N4BP1: variants seen among roughly 807,000 people sequenced by gnomAD.
N4BP1 encodes the protein NEDD4-binding protein 1.
N4BP1 carries 21 observed loss-of-function variants against 70.9 expected under a neutral mutation model. The observed-to-expected ratio is 0.30, with a 90% CI of 0.21 to 0.43. The LOEUF is 0.43. Among genes scored for constraint, N4BP1 ranks in the 20% least tolerant of loss-of-function variants. The pLI, the probability that N4BP1 is intolerant of heterozygous loss-of-function variation, is 1.00. For missense variants in N4BP1, 936 were observed against 1,069.4 expected (o/e 0.88, Z 1.74); for synonymous variants, 387 against 394.6 (o/e 0.98, Z 0.23).
At position 48,542,740 on chromosome 16, in the gene N4BP1, G is replaced by A. The variant is rs937532753; in HGVS notation, c.*164C>T. 10 of 545,556 alleles carry A rather than the reference G, an allele frequency of 1.8e-5. No homozygotes were observed. Among genetic ancestry groups the A allele is most frequent in the African/African-American group, 1.3e-4 (7 of 52,346 alleles). 33.8% of individuals were successfully genotyped at this position (545,556 alleles called of 1,614,324 possible). A position where few individuals can be genotyped will look rare whatever the true frequency, so the allele number is the denominator to read the frequency against. Reference sequence around the variant, plus strand: ...ATAATTTATATATAGAAAAAAGCTGGTTTTGAAAACCCAGATTTATACCCA... The same window carrying A: ...ATAATTTATATATAGAAAAAAGCTGATTTTGAAAACCCAGATTTATACCCA... On this transcript the variant is annotated 3_prime_UTR_variant, in exon 7 of 7. Transcript: ENST00000262384.
At chr16:48,575,962 CAA>C (rs1469347933) in intron 1 of N4BP1, among the ~76,000 whole-genome samples, 1 of 151,866 alleles carries the variant, frequency 6.6e-6, no homozygotes, top group Non-Finnish European at 1.5e-5. Flanking sequence ...CAAGGAAACT[CAA>C]AATATTAAGG....
chr16:48,576,547 C>A (rs1400987212), intron 1 of N4BP1, among the ~76,000 whole-genome samples: 2 of 152,138 alleles, frequency 1.3e-5, no homozygotes, highest in African/African-American at 4.8e-5. Context: ...CTGATTTTTT[C>A]TTCACTCTTA....
chr16:48,597,288 C>A (rs547486318), intron 1 of N4BP1, among the ~76,000 whole-genome samples: 1 of 152,116 alleles, frequency 6.6e-6, no homozygotes, highest in Admixed American at 6.5e-5. Context: ...GTATCAACTT[C>A]CTGAAAAACC....
intron 1 of N4BP1, among the ~76,000 whole-genome samples, chr16:48,597,069 A>C (rs1385693681): frequency 6.6e-6 from 1 of 151,898 alleles, no homozygotes. Context: ...ACCAATCAGC[A>C]CTCCCCACTT....
intron 2 of N4BP1, among the ~76,000 whole-genome samples, chr16:48,557,473 C>T (rs1963772850): frequency 6.6e-6 from 1 of 152,172 alleles, no homozygotes; most frequent in African/African-American, 2.4e-5. Context: ...ACTTTTGACT[C>T]ACAATTGGTG....
chr16:48,543,536 C>A (rs1963541466), intron 6 of N4BP1, among the ~76,000 whole-genome samples: 1 of 152,126 alleles, frequency 6.6e-6, no homozygotes, highest in South Asian at 2.1e-4. Context: ...GAGGACTGAC[C>A]CCATCCAGCT....
At chr16:48,607,812 A>G (rs1430662652) in intron 1 of N4BP1, among the ~76,000 whole-genome samples, 1 of 152,248 alleles carries the variant, frequency 6.6e-6, no homozygotes, top group African/African-American at 2.4e-5. Flanking sequence ...AAAAAAGTTA[A>G]GCCCAGGAAA....
Position 48,550,296 on chromosome 16 carries a change from T to C in N4BP1, c.2117+1090A>G, listed in dbSNP as rs149000674. 6.8e-3 allele frequency among the ~76,000 whole-genome samples: 1,032 copies of C among 152,132 alleles called. 8 individuals are homozygous for C. Among genetic ancestry groups the C allele is most frequent in the Non-Finnish European group, 9.3e-3 (631 of 67,984 alleles). On this transcript the variant is annotated intron_variant, in intron 4 of 6. Coordinates refer to ENST00000262384, the MANE Select transcript of N4BP1 (RefSeq NM_153029.4). ...GGGAGGCCGAGACGGGTGGATCATC[T>C]GAGGTCAGGAGTTTGAGACCAGCCT...
intron 1 of N4BP1, among the ~76,000 whole-genome samples, chr16:48,569,325 A>G (rs1350970284): frequency 6.6e-6 from 1 of 152,238 alleles, no homozygotes; most frequent in East Asian, 1.9e-4. Context: ...TCAGGCTGCA[A>G]GCTGCAACCT....
At chr16:48,565,638 C>T (rs1963931335) in intron 1 of N4BP1, among the ~76,000 whole-genome samples, 1 of 152,146 alleles carries the variant, frequency 6.6e-6, no homozygotes, top group South Asian at 2.1e-4. Flanking sequence ...GTAATACAGG[C>T]TATACATGAG....
chr16:48,598,787 T>C (rs1043417961), intron 1 of N4BP1, among the ~76,000 whole-genome samples: 1 of 152,104 alleles, frequency 6.6e-6, no homozygotes, highest in African/African-American at 2.4e-5. Context: ...TAAAACCTTC[T>C]GGGGTGGTGA....
At chr16:48,547,484 A>G (rs1963606020) in intron 5 of N4BP1, among the ~76,000 whole-genome samples, 2 of 152,260 alleles carry the variant, frequency 1.3e-5, no homozygotes, top group African/African-American at 4.8e-5. Context: ...ATGATATCTA[A>G]AGATGTTTTC....
intron 1 of N4BP1, among the ~76,000 whole-genome samples, chr16:48,605,584 CT>C (rs1964567510): frequency 6.6e-6 from 1 of 152,190 alleles, no homozygotes. Context: ...ACAATGCCCT[CT>C]TATAAGGACT....
At chr16:48,593,951 G>A (rs1384315629) in intron 1 of N4BP1, among the ~76,000 whole-genome samples, 3 of 132,564 alleles carry the variant, frequency 2.3e-5, no homozygotes, top group Admixed American at 1.7e-4. Context: ...GCAGTGAGCC[G>A]AGATCATGCC....
intron 1 of N4BP1, among the ~76,000 whole-genome samples, chr16:48,604,504 T>C (rs1964547782): frequency 6.7e-6 from 1 of 150,234 alleles, no homozygotes; most frequent in East Asian, 2.0e-4. Flanking sequence ...GCTGAGATCA[T>C]ACCACTGCAC....
chr16:48,582,744 A>G (rs1242164847), intron 1 of N4BP1, among the ~76,000 whole-genome samples: 5 of 152,196 alleles, frequency 3.3e-5, no homozygotes, highest in African/African-American at 4.8e-5. Context: ...GGTTTTAGGT[A>G]TCTACTGGGG....
At chr16:48,558,928 T>C (rs1963801132) in intron 2 of N4BP1, among the ~76,000 whole-genome samples, 1 of 152,178 alleles carries the variant, frequency 6.6e-6, no homozygotes, top group South Asian at 2.1e-4. Context: ...CTTTAACATC[T>C]GAAATGATGA....
At chr16:48,608,013 C>T (rs573402667) in intron 1 of N4BP1, among the ~76,000 whole-genome samples, 4 of 152,332 alleles carry the variant, frequency 2.6e-5, no homozygotes, top group South Asian at 4.1e-4. Flanking sequence ...AGGCGCGTAC[C>T]ACCACGCCGG....
intron 1 of N4BP1, chr16:48,600,434 A>G (rs553598750): frequency 3.1e-6 from 2 of 649,244 alleles, no homozygotes; most frequent in Non-Finnish European, 5.8e-6. Flanking sequence ...AAACTACTGA[A>G]GCAATGAAGA....
Sources: allele counts gnomAD v4.1 joint callset (sites outside exome capture counted in the v4.1 genomes callset), GRCh38; gene constraint gnomAD v4.1.1; transcripts MANE v1.5; gene names NCBI Gene and HGNC (gene_info 2026-07-23, HGNC 2026-07-21).